AFAP1: variants seen among roughly 807,000 people sequenced by gnomAD.
AFAP1 encodes actin filament-associated protein 1.
Under a neutral mutation model 93.9 loss-of-function variants are expected in AFAP1, and 75 were observed. The ratio of observed to expected loss-of-function variants is 0.80; its 90% confidence interval spans 0.66 to 0.97. The LOEUF is 0.97. Ranked by LOEUF, AFAP1 falls within the 50% of genes least tolerant of loss-of-function variation. AFAP1 has a pLI of 0.00. For synonymous variants in AFAP1, 517 were observed against 430.7 expected (o/e 1.20, Z -2.48); for missense variants, 1,201 against 1,050.8 (o/e 1.14, Z -1.98).
At chr4:7,858,141 C>G (rs567855389) in intron 3 of AFAP1, among the ~76,000 whole-genome samples, 1 of 152,148 alleles carries the variant, frequency 6.6e-6, no homozygotes, top group African/African-American at 2.4e-5. Context: ...ACTTTATTAA[C>G]CTCTACGAGA....
intron 4 of AFAP1, among the ~76,000 whole-genome samples, chr4:7,847,796 GGT>G (rs1560196699): frequency 3.0e-5 from 3 of 101,246 alleles, no homozygotes; most frequent in Admixed American, 2.2e-4. Flanking sequence ...GGGTACTCGG[GGT>G]GGGGCATTGA....
chr4:7,770,848 T>C (rs962753876), intron 16 of AFAP1, among the ~76,000 whole-genome samples: 4 of 152,138 alleles, frequency 2.6e-5, no homozygotes, highest in African/African-American at 7.2e-5. Flanking sequence ...GGGGACTGTG[T>C]GCACTCCTGC....
At chr4:7,866,491 TG>T (rs1307547855) in intron 3 of AFAP1, among the ~76,000 whole-genome samples, 1 of 152,238 alleles carries the variant, frequency 6.6e-6, no homozygotes, top group African/African-American at 2.4e-5. Context: ...CCACCGCACC[TG>T]GCCCCAGCTG....
intron 12 of AFAP1, among the ~76,000 whole-genome samples, chr4:7,784,611 G>A (rs772911229): frequency 2.0e-5 from 3 of 152,132 alleles, no homozygotes; most frequent in Non-Finnish European, 4.4e-5. Context: ...AGAAAGGGCG[G>A]CCTCCCCCAC....
intron 1 of AFAP1, among the ~76,000 whole-genome samples, chr4:7,936,581 A>ATT (rs1721395741): frequency 7.6e-6 from 1 of 131,256 alleles, no homozygotes; most frequent in African/African-American, 3.2e-5. Context: ...TACAAGCGGT[A>ATT]ATTTTTTTTT....
chr4:7,793,975 G>T (rs1234652156), intron 10 of AFAP1, 149 bp from the exon 11 acceptor site: 7 of 891,568 alleles, frequency 7.9e-6, no homozygotes, highest in Non-Finnish European at 1.6e-6. Flanking sequence ...TGAGCGATGG[G>T]ATTAACGTCA....
intron 2 of AFAP1, among the ~76,000 whole-genome samples, chr4:7,869,145 GAA>G (rs1716786703): frequency 6.7e-6 from 1 of 148,266 alleles, no homozygotes; most frequent in South Asian, 2.2e-4. Flanking sequence ...GAATAAAAGA[GAA>G]AGGGAAAGGG....
intron 11 of AFAP1, among the ~76,000 whole-genome samples, chr4:7,790,215 T>C (rs909037138): frequency 3.3e-5 from 5 of 152,232 alleles, no homozygotes; most frequent in African/African-American, 1.2e-4. Flanking sequence ...TCATCTCTCT[T>C]AAGTGTTACA....
At chr4:7,906,090 G>T (rs1309170248) in intron 1 of AFAP1, among the ~76,000 whole-genome samples, 1 of 152,044 alleles carries the variant, frequency 6.6e-6, no homozygotes, top group East Asian at 1.9e-4. Flanking sequence ...CTCCAAACAG[G>T]GCAGGGATTT....
intron 15 of AFAP1, 71 bp from the exon 16 acceptor site, chr4:7,773,081 G>T (rs1193408651): frequency 9.2e-6 from 14 of 1,516,336 alleles, no homozygotes; most frequent in Non-Finnish European, 1.2e-5. Context: ...AAGGCACCTG[G>T]TCCCCAAGAA....
At chr4:7,847,852 T>C (rs898019487) in intron 4 of AFAP1, among the ~76,000 whole-genome samples, 1 of 150,596 alleles carries the variant, frequency 6.6e-6, no homozygotes, top group Non-Finnish European at 1.5e-5. Context: ...CTACACTTTG[T>C]GTAGAGTAAG....
intron 1 of AFAP1, among the ~76,000 whole-genome samples, chr4:7,890,968 C>G (rs1351634782): frequency 1.3e-5 from 2 of 152,092 alleles, no homozygotes; most frequent in African/African-American, 4.8e-5. Flanking sequence ...ACAATGGCAG[C>G]TTTCTTCATA....
intron 1 of AFAP1, among the ~76,000 whole-genome samples, chr4:7,876,014 C>T (rs1454077055): frequency 6.6e-6 from 1 of 151,954 alleles, no homozygotes; most frequent in African/African-American, 2.4e-5. Flanking sequence ...GTGAATATAC[C>T]TAATGACACT....
At position 7,875,291 on chromosome 4, in the gene AFAP1, G is replaced by A. The variant is rs533353010; in HGVS notation, c.-2-3211C>T. Among the ~76,000 whole-genome samples, 18 of 152,282 alleles carry A rather than the reference G, an allele frequency of 1.2e-4. No homozygotes were observed. In the East Asian group the frequency reaches 1.3e-3, roughly 11 times the overall value. On this transcript the variant is annotated intron_variant, in intron 1 of 17. Transcript: ENST00000420658. Reference sequence around the variant, plus strand: ...AAGGCTCTCATCATTTTAGGTAAGCGGGAGAGAAATGGTAAATGAGCTTAA... The same window carrying A: ...AAGGCTCTCATCATTTTAGGTAAGCAGGAGAGAAATGGTAAATGAGCTTAA...
chr4:7,769,535 T>C lies in AFAP1; in HGVS notation c.2254-527A>G, dbSNP rs567216724. Among the ~76,000 whole-genome samples, 26 of 152,214 alleles carry C rather than the reference T, an allele frequency of 1.7e-4. No individual in the cohort carries two copies. In the East Asian group the frequency reaches 4.1e-3, roughly 24 times the overall value. ...TTCCTAGTGTTTACGGCAGCTTCCA[T>C]ATGCCAAAGGAGGAGGTGTTCAGGA... On this transcript the variant is annotated intron_variant, in intron 16 of 17. Transcript: ENST00000420658.
intron 1 of AFAP1, among the ~76,000 whole-genome samples, chr4:7,922,055 G>A (rs1046187764): frequency 1.1e-4 from 16 of 152,276 alleles, no homozygotes; most frequent in Non-Finnish European, 1.5e-4. Context: ...CCCAGGAAGC[G>A]GAGGTTGCAG....
chr4:7,919,675 G>A (rs957507032), intron 1 of AFAP1, among the ~76,000 whole-genome samples: 8 of 152,068 alleles, frequency 5.3e-5, no homozygotes, highest in Non-Finnish European at 2.9e-5. Flanking sequence ...CGTGCAGGAT[G>A]TGCAGGTTTG....
At chr4:7,903,532 A>C (rs1182657920) in intron 1 of AFAP1, among the ~76,000 whole-genome samples, 1 of 152,224 alleles carries the variant, frequency 6.6e-6, no homozygotes, top group Non-Finnish European at 1.5e-5. Flanking sequence ...TACAAAAATT[A>C]GCTGGGCATG....
At chr4:7,881,708 G>A (rs928236416) in intron 1 of AFAP1, among the ~76,000 whole-genome samples, 1 of 152,002 alleles carries the variant, frequency 6.6e-6, no homozygotes, top group Non-Finnish European at 1.5e-5. Flanking sequence ...ACTTGAATCC[G>A]GGTGGTGGAT....
Sources: gnomAD v4.1 joint callset for allele counts (sites outside exome capture counted in the v4.1 genomes callset) on GRCh38, gnomAD v4.1.1 for gene constraint, MANE v1.5 for transcripts, NCBI Gene and HGNC (gene_info 2026-07-23, HGNC 2026-07-21) for gene names.